TMTC2: variants seen among roughly 807,000 people sequenced by gnomAD.
The protein encoded by TMTC2 is transmembrane O-mannosyltransferase targeting cadherins 2.
Under a neutral mutation model 82.4 loss-of-function variants are expected in TMTC2, and 43 were observed. The ratio of observed to expected loss-of-function variants is 0.52; its 90% CI spans 0.41 to 0.67. The LOEUF is 0.67. TMTC2 is among the 30% of genes least tolerant of loss of function. The pLI is 0.00. For synonymous variants in TMTC2, 408 were observed against 381.9 expected, an observed-to-expected ratio of 1.07 and a Z score of -0.80; for missense variants, 919 against 1,012.4, an observed-to-expected ratio of 0.91 and a Z score of 1.25.
intron 1 of TMTC2, among the ~76,000 whole-genome samples, chr12:82,829,841 A>T (rs1869653848): frequency 6.6e-6 from 1 of 152,134 alleles, no homozygotes; most frequent in Non-Finnish European, 1.5e-5. Context: ...GGTGGGGTTG[A>T]TAGGCAAGGA....
intron 7 of TMTC2, among the ~76,000 whole-genome samples, chr12:82,974,001 A>T (rs1370998081): frequency 6.6e-6 from 1 of 152,232 alleles, no homozygotes; most frequent in Non-Finnish European, 1.5e-5. Flanking sequence ...GTACAAATAT[A>T]CTCAAATTAA....
chr12:83,064,401 T>C (rs1882849079), intron 11 of TMTC2, among the ~76,000 whole-genome samples: 1 of 152,014 alleles, frequency 6.6e-6, no homozygotes, highest in Admixed American at 6.6e-5. Context: ...TTTGAAAATA[T>C]GTTTATTCAA....
Position 82,749,696 on chromosome 12 carries a change from G to A in TMTC2, c.83+62027G>A, listed in dbSNP as rs925093738. ...CTTCAGGAACAAGGGTAAAGATTGT[G>A]TTAACAGATAGAAACTGTTTGTTTT... On this transcript the variant is annotated intron_variant, in intron 1 of 11. Coordinates refer to ENST00000321196, the MANE Select transcript of TMTC2 (RefSeq NM_152588.3). 1.4e-4 allele frequency among the ~76,000 whole-genome samples: 21 copies of A among 148,920 alleles called. 1 individual carries two copies. Among genetic ancestry groups the A allele is most frequent in the Admixed American group, 1.1e-3 (17 of 14,948 alleles).
chr12:82,739,425 A>G (rs10735458), intron 1 of TMTC2, among the ~76,000 whole-genome samples: 128,726 of 151,808 alleles, frequency 0.85, 55,955 homozygotes, highest in Middle Eastern at 0.97. Context: ...CCTGTTTCCC[A>G]CTGCCTGAAA....
At chr12:82,762,478 C>T (rs993477207) in intron 1 of TMTC2, among the ~76,000 whole-genome samples, 3 of 152,140 alleles carry the variant, frequency 2.0e-5, no homozygotes, top group African/African-American at 7.2e-5. Flanking sequence ...AGAGGAATGC[C>T]GTGGCCGCTT....
At chr12:83,040,761 C>T (rs886739024) in intron 9 of TMTC2, among the ~76,000 whole-genome samples, 8 of 149,088 alleles carry the variant, frequency 5.4e-5, no homozygotes, top group African/African-American at 1.7e-4. Flanking sequence ...TCTCTGCTCA[C>T]GCAAGCTCTG....
At chr12:82,984,057 TAAA>T (rs951685737) in intron 7 of TMTC2, among the ~76,000 whole-genome samples, 1 of 149,372 alleles carries the variant, frequency 6.7e-6, no homozygotes, top group African/African-American at 2.6e-5. Flanking sequence ...TTATGGAAAT[TAAA>T]AAAACAATTT....
At chr12:82,978,510 C>T (rs1349902513) in intron 7 of TMTC2, among the ~76,000 whole-genome samples, 4 of 151,646 alleles carry the variant, frequency 2.6e-5, no homozygotes, top group South Asian at 2.1e-4. Context: ...AAATTTCTCT[C>T]GTTATTGATT....
intron 4 of TMTC2, among the ~76,000 whole-genome samples, chr12:82,937,768 A>G (rs865983620): frequency 0.049 from 1,074 of 21,846 alleles, 34 homozygotes; most frequent in African/African-American, 0.14. Context: ...ATATATATAT[A>G]TATATATATA....
intron 1 of TMTC2, among the ~76,000 whole-genome samples, chr12:82,734,618 A>G (rs1433140785): frequency 6.6e-6 from 1 of 152,200 alleles, no homozygotes; most frequent in Non-Finnish European, 1.5e-5. Context: ...GATGGAGATC[A>G]TAAGTGTCAT....
intron 10 of TMTC2, 145 bp downstream of exon 10, chr12:83,051,163 A>T (rs975591195): frequency 1.7e-5 from 10 of 591,468 alleles, no homozygotes; most frequent in Non-Finnish European, 2.5e-5. Context: ...GAAATATTGT[A>T]TTCATTATAG....
intron 2 of TMTC2, among the ~76,000 whole-genome samples, chr12:82,892,975 A>T (rs1873471386): frequency 6.6e-6 from 1 of 152,196 alleles, no homozygotes; most frequent in Non-Finnish European, 1.5e-5. Flanking sequence ...AAGAAATTTT[A>T]GAATTATTAT....
At chr12:83,107,572 T>A (rs1320568375) in intron 11 of TMTC2, among the ~76,000 whole-genome samples, 4 of 152,216 alleles carry the variant, frequency 2.6e-5, no homozygotes, top group Non-Finnish European at 5.9e-5. Context: ...AATCAACATA[T>A]TAATTTGGAG....
intron 2 of TMTC2, 89 bp downstream of exon 2, chr12:82,857,669 T>G: frequency 4.1e-6 from 5 of 1,227,340 alleles, no homozygotes; most frequent in Non-Finnish European, 5.6e-6. Context: ...AATTTATTCC[T>G]CTGCAAGCGG....
intron 4 of TMTC2, among the ~76,000 whole-genome samples, chr12:82,936,659 A>T (rs1415384295): frequency 1.3e-5 from 2 of 152,198 alleles, no homozygotes; most frequent in African/African-American, 2.4e-5. Flanking sequence ...TAGAAATGCC[A>T]AGAAGGCATT....
At chr12:82,899,641 A>G (rs1422947398) in intron 3 of TMTC2, among the ~76,000 whole-genome samples, 5 of 133,120 alleles carry the variant, frequency 3.8e-5, no homozygotes, top group African/African-American at 1.6e-4. Flanking sequence ...TGTGGAATAT[A>G]TATATATAAG....
chr12:82,766,123 G>A (rs1876948608), intron 1 of TMTC2, among the ~76,000 whole-genome samples: 1 of 152,188 alleles, frequency 6.6e-6, no homozygotes, highest in South Asian at 2.1e-4. Context: ...GTTTCTCTGT[G>A]TCTGGGCTTT....
chr12:82,852,417 T>C (rs1168202287), intron 1 of TMTC2, among the ~76,000 whole-genome samples: 1 of 152,132 alleles, frequency 6.6e-6, no homozygotes. Flanking sequence ...AGAGACTATC[T>C]TTTTGCTTCA....
chr12:82,863,451 G>A (rs975112371), intron 2 of TMTC2, among the ~76,000 whole-genome samples: 4 of 152,120 alleles, frequency 2.6e-5, no homozygotes, highest in Non-Finnish European at 5.9e-5. Context: ...TTCATGACCT[G>A]TAGTACTATA....
Sources: allele counts gnomAD v4.1 joint callset (sites outside exome capture counted in the v4.1 genomes callset), GRCh38; gene constraint gnomAD v4.1.1; transcripts MANE v1.5; gene names NCBI Gene and HGNC (gene_info 2026-07-23, HGNC 2026-07-21).